DOK5: variants seen among roughly 807,000 people sequenced by gnomAD.
DOK5 encodes docking protein 5.
In DOK5, 27 loss-of-function variants were observed where a neutral mutation model predicts 43.3. The observed-to-expected ratio is 0.62, with a 90% confidence interval of 0.46 to 0.86. The LOEUF (loss-of-function observed/expected upper bound fraction) is 0.86, where lower values mean the gene tolerates loss of function less well. Ranked by LOEUF, DOK5 falls within the 40% of genes least tolerant of loss-of-function variation. DOK5 has a pLI of 0.00. For synonymous variants in DOK5, 146 were observed against 140.1 expected (o/e 1.04, Z -0.30); for missense variants, 373 against 392.9 (o/e 0.95, Z 0.43).
intron 6 of DOK5, among the ~76,000 whole-genome samples, chr20:54,617,886 T>G (rs994170658): frequency 1.3e-5 from 2 of 152,260 alleles, no homozygotes; most frequent in African/African-American, 4.8e-5. Context: ...TAATAGCCAC[T>G]GTTATTTTTC....
intron 2 of DOK5, among the ~76,000 whole-genome samples, chr20:54,579,478 T>C (rs941293020): frequency 6.6e-6 from 1 of 152,080 alleles, no homozygotes; most frequent in Non-Finnish European, 1.5e-5. Flanking sequence ...TACATGTACA[T>C]TGTTTTATAG....
intron 6 of DOK5, among the ~76,000 whole-genome samples, chr20:54,620,038 G>C (rs1224947495): frequency 2.0e-5 from 3 of 151,152 alleles, no homozygotes; most frequent in African/African-American, 7.3e-5. Context: ...TGGTTAATTG[G>C]GTTAACTTAT....
intron 1 of DOK5, among the ~76,000 whole-genome samples, chr20:54,550,410 C>T (rs1984489781): frequency 6.6e-6 from 1 of 152,170 alleles, no homozygotes; most frequent in Non-Finnish European, 1.5e-5. Flanking sequence ...TCCAAAACTA[C>T]AGTATGATAT....
In DOK5 at chr20:54,591,675, T is replaced by C; in HGVS notation, c.469T>C (p.Leu157=). ...PNLDVHGECA[L]QITYEYICLW... is the part of the protein sequence containing the mutation. ...CTTAGATGTACATGGCGAATGTGCC[T>C]TGCAGATTACATATGAGTATATCTG... Residue 157 remains leucine (L), a synonymous_variant, in exon 5 of 8, where the codon TTG becomes CTG. Coordinates refer to ENST00000262593, the MANE Select transcript of DOK5 (RefSeq NM_018431.5). The C allele has an allele frequency of 6.2e-7, 1 of 1,613,984 alleles. No individual in the cohort carries two copies. The highest frequency in any genetic ancestry group is 8.5e-7 in the Non-Finnish European group (1 of 1,179,948).
intron 4 of DOK5, among the ~76,000 whole-genome samples, chr20:54,591,158 A>C (rs1985964357): frequency 6.6e-6 from 1 of 152,216 alleles, no homozygotes. Flanking sequence ...TCATTTAGTT[A>C]TAGAAATTAC....
intron 1 of DOK5, among the ~76,000 whole-genome samples, chr20:54,504,506 A>G (rs1214627914): frequency 6.6e-6 from 1 of 152,224 alleles, no homozygotes. Context: ...TGACTCACTC[A>G]GAAGGACTGA....
chr20:54,502,466 G>A (rs549849413), intron 1 of DOK5, among the ~76,000 whole-genome samples: 52 of 152,138 alleles, frequency 3.4e-4, no homozygotes, highest in African/African-American at 3.4e-4. Context: ...CACATGGCTC[G>A]AAATTCAAGA....
chr20:54,505,009 G>C (rs544645068), intron 1 of DOK5, among the ~76,000 whole-genome samples: 4 of 152,062 alleles, frequency 2.6e-5, no homozygotes, highest in Admixed American at 2.0e-4. Context: ...ATTCATATCT[G>C]TCCCGGTGGC....
At position 54,475,799 on chromosome 20, in the gene DOK5, T is replaced by G. The variant is rs1981395726; in HGVS notation, c.-148T>G. On this transcript the variant is annotated 5_prime_UTR_variant, in exon 1 of 8. Transcript: ENST00000262593. The surrounding 1 kb of genome is among the most constrained non-coding windows in gnomAD (Gnocchi z 4.2). ...GGGGACAGAGAAAGTGATGTGCGCC[T>G]TCTAAAGCCTCGCCCAGCGCCGCCG... The G allele has an allele frequency of 1.1e-6, 1 of 928,056 alleles. No individual in the cohort carries two copies. The highest frequency in any genetic ancestry group is 1.6e-5 in the African/African-American group (1 of 61,534). The allele number at this position is 928,056 out of a possible 1,614,324, so 57.5% of individuals were successfully genotyped here. A position where few individuals can be genotyped will look rare whatever the true frequency, so the allele number is the denominator to read the frequency against.
intron 6 of DOK5, among the ~76,000 whole-genome samples, chr20:54,639,400 T>C (rs942784300): frequency 6.6e-6 from 1 of 152,226 alleles, no homozygotes; most frequent in African/African-American, 2.4e-5. Context: ...CCAGTCTAGC[T>C]GGGCTGTGCA....
At chr20:54,637,861 G>A (rs957649136) in intron 6 of DOK5, among the ~76,000 whole-genome samples, 4 of 152,216 alleles carry the variant, frequency 2.6e-5, no homozygotes, top group South Asian at 2.1e-4. Flanking sequence ...GGTGGCTCAC[G>A]CCTGTAATCC....
intron 6 of DOK5, among the ~76,000 whole-genome samples, chr20:54,634,609 T>C (rs957385634): frequency 1.3e-5 from 2 of 151,734 alleles, no homozygotes; most frequent in Admixed American, 1.3e-4. Context: ...GCCCGGCTAA[T>C]TTTTTGTATT....
At chr20:54,619,630 C>T (rs188413711) in intron 6 of DOK5, among the ~76,000 whole-genome samples, 19 of 152,304 alleles carry the variant, frequency 1.2e-4, no homozygotes, top group African/African-American at 4.6e-4. Flanking sequence ...GTCCTGATTA[C>T]ACACAGGCTT....
chr20:54,587,004 T>C (rs1009420109), intron 2 of DOK5, among the ~76,000 whole-genome samples: 10 of 151,634 alleles, frequency 6.6e-5, no homozygotes, highest in Non-Finnish European at 1.2e-4. Context: ...TCAAGACTTA[T>C]GTTTTGAAAA....
intron 1 of DOK5, among the ~76,000 whole-genome samples, chr20:54,484,379 CA>C (rs879561560): frequency 4.7e-4 from 64 of 136,394 alleles, no homozygotes; most frequent in African/African-American, 4.6e-4. Context: ...GACTTCATCT[CA>C]AAAAAAAAAA....
Position 54,625,457 on chromosome 20 carries a change from C to T in DOK5, c.735+14934C>T, listed in dbSNP as rs971360882. ...TTAAGGTGCCTTTTATCATTTGGAA[C>T]GGAGTAGATTTGAGTCCATCCTTTA... is the stretch of plus-strand genomic sequence containing the variant. On this transcript the variant is annotated intron_variant, in intron 6 of 7. Coordinates refer to ENST00000262593, the MANE Select transcript of DOK5 (RefSeq NM_018431.5). Among the ~76,000 whole-genome samples, 4 of 152,156 alleles carry T rather than the reference C, an allele frequency of 2.6e-5. No homozygotes were observed. The South Asian group carries it at 6.2e-4, about 24-fold the overall frequency.
chr20:54,485,064 G>T (rs1389357019), intron 1 of DOK5, among the ~76,000 whole-genome samples: 1 of 152,214 alleles, frequency 6.6e-6, no homozygotes, highest in Non-Finnish European at 1.5e-5. Flanking sequence ...GGGCATGATG[G>T]CTCACGCCTG....
chr20:54,504,944 A>T (rs1982751171), intron 1 of DOK5, among the ~76,000 whole-genome samples: 1 of 152,074 alleles, frequency 6.6e-6, no homozygotes, highest in Non-Finnish European at 1.5e-5. Context: ...TTTCTGGCAG[A>T]CCTACTAACT....
intron 1 of DOK5, among the ~76,000 whole-genome samples, chr20:54,548,229 TTTTATTTA>T (rs10694715): frequency 5.0e-4 from 75 of 149,434 alleles, no homozygotes; most frequent in Middle Eastern, 3.4e-3. Flanking sequence ...ATTACCTATC[TTTTATTTA>T]TTTATTTATT....
Sources: gnomAD v4.1 joint callset for allele counts (sites outside exome capture counted in the v4.1 genomes callset) on GRCh38, gnomAD v4.1.1 for gene constraint, Gnocchi (gnomAD v3.1) non-coding constraint, MANE v1.5 for transcripts, NCBI Gene and HGNC (gene_info 2026-07-23, HGNC 2026-07-21) for gene names.